PCDH9: variants seen among roughly 807,000 people sequenced by gnomAD.
PCDH9 encodes protocadherin 9.
In PCDH9, 24 loss-of-function variants were observed where a neutral mutation model predicts 70.6. The observed-to-expected ratio is 0.34, with a 90% CI of 0.25 to 0.48. The LOEUF is 0.48. Ranked by LOEUF, PCDH9 falls within the 20% of genes least tolerant of loss-of-function variation. The pLI is 0.99. For missense variants in PCDH9, 1,281 were observed against 1,503.6 expected (o/e 0.85, Z 2.45); for synonymous variants, 562 against 558.5 (o/e 1.01, Z -0.09).
At chr13:66,381,872 T>G (rs1278330583) in intron 4 of PCDH9, among the ~76,000 whole-genome samples, 2 of 151,850 alleles carry the variant, frequency 1.3e-5, no homozygotes, top group African/African-American at 4.8e-5. Flanking sequence ...TAGACAGGAG[T>G]TTTTAAGTTG....
intron 2 of PCDH9, among the ~76,000 whole-genome samples, chr13:67,185,115 A>G (rs2088718890): frequency 6.6e-6 from 1 of 152,222 alleles, no homozygotes; most frequent in African/African-American, 2.4e-5. Flanking sequence ...TGGCAATTAA[A>G]ATAAATATAT....
chr13:66,956,218 A>AACAGGAACGAATAT (rs1282640433), intron 2 of PCDH9, among the ~76,000 whole-genome samples: 1 of 152,208 alleles, frequency 6.6e-6, no homozygotes, highest in East Asian at 1.9e-4. Flanking sequence ...GATGACTAAA[A>AACAGGAACGAATAT]ACAGGAACGA....
chr13:66,887,279 C>G (rs527839131), intron 3 of PCDH9, among the ~76,000 whole-genome samples: 1 of 152,144 alleles, frequency 6.6e-6, no homozygotes, highest in East Asian at 1.9e-4. Context: ...ATTTCAGTTC[C>G]TCTTCCTTTC....
At chr13:66,361,628 T>C (rs771874947) in intron 4 of PCDH9, among the ~76,000 whole-genome samples, 39 of 152,106 alleles carry the variant, frequency 2.6e-4, no homozygotes, top group Non-Finnish European at 4.9e-4. Context: ...AAAGCATATA[T>C]TTCAGGATGC....
At chr13:67,197,310 G>A (rs2089093810) in intron 2 of PCDH9, among the ~76,000 whole-genome samples, 1 of 151,850 alleles carries the variant, frequency 6.6e-6, no homozygotes, top group Non-Finnish European at 1.5e-5. Context: ...TATTGTACAA[G>A]ATAAGGAAGC....
intron 3 of PCDH9, among the ~76,000 whole-genome samples, chr13:66,745,023 C>T (rs750151141): frequency 8.6e-5 from 13 of 152,030 alleles, no homozygotes. Flanking sequence ...ATTCAGTCTC[C>T]GTAACGTAGC....
intron 4 of PCDH9, among the ~76,000 whole-genome samples, chr13:66,482,479 G>C (rs979957855): frequency 6.6e-6 from 1 of 152,144 alleles, no homozygotes; most frequent in South Asian, 2.1e-4. Context: ...ACCCTTAGCT[G>C]CAGGAAAGCT....
At chr13:66,597,802 A>G (rs2077121443) in intron 4 of PCDH9, among the ~76,000 whole-genome samples, 1 of 151,858 alleles carries the variant, frequency 6.6e-6, no homozygotes, top group South Asian at 2.1e-4. Flanking sequence ...CAACCTATGG[A>G]ATGGGAGAAA....
intron 2 of PCDH9, among the ~76,000 whole-genome samples, chr13:67,085,740 C>T (rs899453885): frequency 1.3e-5 from 2 of 152,140 alleles, no homozygotes; most frequent in Non-Finnish European, 2.9e-5. Context: ...CAATTTCATC[C>T]CTTGACTGAA....
chr13:66,443,363 C>T (rs566378201), intron 4 of PCDH9, among the ~76,000 whole-genome samples: 1 of 152,128 alleles, frequency 6.6e-6, no homozygotes, highest in Admixed American at 6.5e-5. Context: ...ATTTTAAATT[C>T]TGACAATTTT....
chr13:66,727,771 C>G (rs1039888249), intron 3 of PCDH9, among the ~76,000 whole-genome samples: 13 of 152,152 alleles, frequency 8.5e-5, no homozygotes, highest in African/African-American at 3.1e-4. Flanking sequence ...TTAATATAAA[C>G]TAGGTACAAA....
At chr13:66,668,674 T>C (rs903114085) in intron 3 of PCDH9, among the ~76,000 whole-genome samples, 22 of 152,304 alleles carry the variant, frequency 1.4e-4, no homozygotes, top group African/African-American at 4.3e-4. Context: ...TCTAAAAATT[T>C]CCAGAGAATC....
chr13:66,550,750 T>TA (rs1961447968), intron 4 of PCDH9, among the ~76,000 whole-genome samples: 1 of 152,156 alleles, frequency 6.6e-6, no homozygotes, highest in Admixed American at 6.5e-5. Context: ...AACCCCCTCT[T>TA]ACCTAATACA....
At chr13:66,860,162 A>C (rs2081458422) in intron 3 of PCDH9, among the ~76,000 whole-genome samples, 1 of 152,196 alleles carries the variant, frequency 6.6e-6, no homozygotes, top group African/African-American at 2.4e-5. Context: ...AGTCTAACAA[A>C]GCCTGTCCTG....
chr13:66,754,062 T>C (rs1444247886), intron 3 of PCDH9, among the ~76,000 whole-genome samples: 1 of 152,230 alleles, frequency 6.6e-6, no homozygotes, highest in Non-Finnish European at 1.5e-5. Flanking sequence ...TTTCATTTTT[T>C]TATTTCATTA....
At chr13:66,659,565 G>GTGT (rs1555318268) in intron 3 of PCDH9, among the ~76,000 whole-genome samples, 1 of 151,766 alleles carries the variant, frequency 6.6e-6, no homozygotes, top group Non-Finnish European at 1.5e-5. Flanking sequence ...GTGTGTGTTT[G>GTGT]GTAGAACAAG....
At chr13:66,567,949 T>A (rs2076676476) in intron 4 of PCDH9, among the ~76,000 whole-genome samples, 1 of 152,174 alleles carries the variant, frequency 6.6e-6, no homozygotes, top group South Asian at 2.1e-4. Flanking sequence ...CTAGTGCTGG[T>A]TTGCATCCTA....
chr13:66,407,510 G>GT (rs1356119971), intron 4 of PCDH9, among the ~76,000 whole-genome samples: 1 of 152,108 alleles, frequency 6.6e-6, no homozygotes, highest in Non-Finnish European at 1.5e-5. Flanking sequence ...GGGGGGTGTT[G>GT]TTTTTTAATG....
chr13:67,185,130 T>G (rs1474869589), intron 2 of PCDH9, among the ~76,000 whole-genome samples: 1 of 152,202 alleles, frequency 6.6e-6, no homozygotes, highest in Non-Finnish European at 1.5e-5. Context: ...ATATATTGTT[T>G]GTAGTCCATT....
Sources: gnomAD v4.1 joint callset for allele counts (sites outside exome capture counted in the v4.1 genomes callset) on GRCh38, gnomAD v4.1.1 for gene constraint, MANE v1.5 for transcripts, NCBI Gene and HGNC (gene_info 2026-07-23, HGNC 2026-07-21) for gene names.